The following SLC5A6 variants were observed in gnomAD, a reference collection of about 807,000 sequenced individuals.
SLC5A6 encodes the protein solute carrier family 5 member 6.
A neutral mutation model predicts 67.9 loss-of-function variants in SLC5A6; 31 were observed. The observed-to-expected ratio is 0.46, with a 90% CI of 0.34 to 0.62. SLC5A6 has a LOEUF of 0.62. SLC5A6 is among the 20% of genes least tolerant of loss of function. The pLI is 0.01. For synonymous variants in SLC5A6, 343 were observed against 331.0 expected, an observed-to-expected ratio of 1.04 and a Z score of -0.39; for missense variants, 673 against 812.8, an observed-to-expected ratio of 0.83 and a Z score of 2.09.
rs1006176115 is a variant in SLC5A6 at position 27,199,682 on chromosome 2, C to G, written c.*754G>C. On this transcript the variant is annotated 3_prime_UTR_variant, in exon 17 of 17. Transcript: ENST00000310574. Reference sequence around the variant, plus strand: ...CAGAGCACGGATGACAGAAATGACACCACGGCAGCCTGGCTCAGGAGTCAG... The same window carrying G: ...CAGAGCACGGATGACAGAAATGACAGCACGGCAGCCTGGCTCAGGAGTCAG... The G allele has an allele frequency of 6.6e-6, 1 of 152,452 alleles. No homozygotes were observed. The highest frequency in any genetic ancestry group is 1.5e-5 in the Non-Finnish European group (1 of 68,058). 9.4% of individuals were successfully genotyped at this position (152,452 alleles called of 1,614,324 possible).
In SLC5A6 at chr2:27,199,774, C is replaced by G. The variant is rs879391993; in HGVS notation, c.*662G>C. 6.5e-6 allele frequency: 1 copy of G among 152,758 alleles called. No homozygotes were observed. Among genetic ancestry groups the G allele is most frequent in the South Asian group, 2.1e-4 (1 of 4,826 alleles). 9.5% of individuals were successfully genotyped at this position (152,758 alleles called of 1,614,324 possible). A position where few individuals can be genotyped will look rare whatever the true frequency, so the allele number is the denominator to read the frequency against. On this transcript the variant is annotated 3_prime_UTR_variant, in exon 17 of 17. Transcript: ENST00000310574. ...TGGTTTCTTGGATCCACATTTGCCCCGTCTCTTAAGTGTCCATCTCAGAGG... is the reference window on the plus strand; with the variant it reads ...TGGTTTCTTGGATCCACATTTGCCCGGTCTCTTAAGTGTCCATCTCAGAGG...
chr2:27,210,593 G>C (rs898841370), intron 2 of SLC5A6, among the ~76,000 whole-genome samples: 1 of 150,988 alleles, frequency 6.6e-6, no homozygotes, highest in Non-Finnish European at 1.5e-5. Flanking sequence ...ACCGCGCCCA[G>C]CTAATTTTTT....
At position 27,202,004 on chromosome 2, in the gene SLC5A6, G is replaced by A; in HGVS notation, c.1346C>T (p.Pro449Leu). Residue 449 changes from proline to leucine, a missense_variant, in exon 13 of 17, where the codon CCA becomes CTA. By Grantham distance (98) the Pro-to-Leu change is moderately conservative. Coordinates refer to ENST00000310574, the MANE Select transcript of SLC5A6 (RefSeq NM_021095.4). The stretch of plus-strand genomic sequence containing the variant: ...ATCACTCACAGGAGGGTTAGCACAT[G>A]GAAAGAACATTCCAAGGCAGAAGAG... Reference protein sequence around the residue: ...LGLFCLGMFFPCANPPGAVVG... With the variant: ...LGLFCLGMFFLCANPPGAVVG... 6.2e-7 allele frequency: 1 copy of A among 1,614,022 alleles called. No homozygotes were observed.
intron 12 of SLC5A6, among the ~76,000 whole-genome samples, 156 bp downstream of exon 12, chr2:27,202,657 T>C (rs776928465): frequency 5.9e-5 from 9 of 152,054 alleles, no homozygotes; most frequent in Non-Finnish European, 1.0e-4. Context: ...TCTGGCTGCT[T>C]GCAAGTCTGT....
chr2:27,212,760 T>C, upstream of SLC5A6: 3 of 846,316 alleles, frequency 3.5e-6, no homozygotes, highest in South Asian at 4.3e-5. Flanking sequence ...GTAATCTCTC[T>C]ACGCACGAAC....
intron 2 of SLC5A6, among the ~76,000 whole-genome samples, chr2:27,209,920 C>G (rs933927257): frequency 6.6e-6 from 1 of 152,168 alleles, no homozygotes; most frequent in Non-Finnish European, 1.5e-5. Context: ...CCTAAACATG[C>G]CCTGGGCCTT....
In SLC5A6 at chr2:27,201,775, T is replaced by C. The variant is rs753852685; in HGVS notation, c.1435A>G (p.Met479Val). ...WIGIGSIVTSMGSSMPPSPSN... is the reference protein window; with the variant it reads ...WIGIGSIVTSVGSSMPPSPSN... ...GGAGAGGGTGGCATGCTGGAGCCCA[T>C]GCTGGTCACGATGCTCCCGATGCCA... The change falls in exon 14 of 17, where the codon ATG (methionine) becomes GTG (valine). Residue 479 changes from methionine to valine, a missense_variant. Coordinates refer to ENST00000310574, the MANE Select transcript of SLC5A6 (RefSeq NM_021095.4). 2 of 1,614,016 alleles carry C rather than the reference T, an allele frequency of 1.2e-6. No homozygotes were observed. Among genetic ancestry groups the C allele is most frequent in the East Asian group, 2.2e-5 (1 of 44,890 alleles).
At chr2:27,206,187 G>A (rs1674049373) in intron 5 of SLC5A6, 94 bp from the exon 6 acceptor site, 1 of 1,044,114 alleles carries the variant, frequency 9.6e-7, no homozygotes, top group Non-Finnish European at 1.5e-6. Flanking sequence ...CAGAGATAAA[G>A]CATTGGTCAT....
In SLC5A6 at chr2:27,207,011, G is replaced by A. The variant is rs1674125193; in HGVS notation, c.394-69C>T. On this transcript the variant is annotated intron_variant, in intron 3 of 16. Transcript: ENST00000310574. This position sits in a 1 kb window ranked among gnomAD's most constrained non-coding sequence, Gnocchi z 5.5. ...ACAACTCACAGACAAATTCCCTCAAGATGCTCAGGAACATGAGGGAATATC... is the reference window on the plus strand; with the variant it reads ...ACAACTCACAGACAAATTCCCTCAAAATGCTCAGGAACATGAGGGAATATC... The A allele has an allele frequency of 1.5e-6, 2 of 1,351,934 alleles. No homozygotes were observed. Among genetic ancestry groups the A allele is most frequent in the Non-Finnish European group, 2.1e-6 (2 of 941,346 alleles). The allele number at this position is 1,351,934 out of a possible 1,614,324, so 83.7% of individuals were successfully genotyped here. A position where few individuals can be genotyped will look rare whatever the true frequency, so the allele number is the denominator to read the frequency against.
chr2:27,208,921 T>C (rs538400228), intron 2 of SLC5A6, among the ~76,000 whole-genome samples: 168 of 151,866 alleles, frequency 1.1e-3, no homozygotes, highest in African/African-American at 4.0e-3. Context: ...CGGGAGGGAG[T>C]TGGAAAGAAG....
At chr2:27,209,239 T>C (rs991744747) in intron 2 of SLC5A6, among the ~76,000 whole-genome samples, 2 of 152,206 alleles carry the variant, frequency 1.3e-5, no homozygotes, top group Admixed American at 6.5e-5. Context: ...AAGCGTATCA[T>C]ATTGTCTTCA....
chr2:27,206,450 C>T (rs369737868), intron 5 of SLC5A6, 33 bp downstream of exon 5: 10 of 1,607,838 alleles, frequency 6.2e-6, no homozygotes, highest in Admixed American at 1.7e-5. Context: ...TAACCTACCA[C>T]GGCTGAAAGC....
chr2:27,211,964 G>GACCCC (rs1674551856), intron 1 of SLC5A6, 56 bp downstream of exon 1: 49 of 422,210 alleles, frequency 1.2e-4, no homozygotes, highest in Non-Finnish European at 1.8e-4. Flanking sequence ...AGCCCGCGGG[G>GACCCC]GCCCCGCCCC....
intron 14 of SLC5A6, 74 bp downstream of exon 14, chr2:27,201,592 C>T (rs1673638553): frequency 6.7e-7 from 1 of 1,490,580 alleles, no homozygotes; most frequent in African/African-American, 1.4e-5. Flanking sequence ...GTGGCCCATC[C>T]CTTAGCAAGA....
In SLC5A6 at chr2:27,207,230, C is replaced by T. The variant is rs1329545057; in HGVS notation, c.393+28G>A. 1.9e-6 allele frequency: 3 copies of T among 1,607,698 alleles called. No individual in the cohort carries two copies. The highest frequency in any genetic ancestry group is 2.6e-6 in the Non-Finnish European group (3 of 1,175,718). ...CCTCTCCACCCCAACCCGTGTCCCA[C>T]GCACTTCTCCCTTCTGTCCCTGCTC... On this transcript the variant is annotated intron_variant, in intron 3 of 16. Transcript: ENST00000310574. This position sits in a 1 kb window ranked among gnomAD's most constrained non-coding sequence, Gnocchi z 5.5.
At chr2:27,210,438 CTT>C (rs1192063285) in intron 2 of SLC5A6, among the ~76,000 whole-genome samples, 1 of 148,462 alleles carries the variant, frequency 6.7e-6, no homozygotes, top group Non-Finnish European at 1.5e-5. Flanking sequence ...ACCCCCCCCC[CTT>C]TTTTTTTGGA....
rs1376220712 is a variant in SLC5A6 at position 27,212,222 on chromosome 2, C to T, written c.-410G>A. Reference sequence around the variant, plus strand: ...AGGGCGCATGAAGACCAGCGCAGAGCTCCACGAGCAGGAAAAGCCCCCAAG... The same window carrying T: ...AGGGCGCATGAAGACCAGCGCAGAGTTCCACGAGCAGGAAAAGCCCCCAAG... On this transcript the variant is annotated 5_prime_UTR_variant, in exon 1 of 17. Transcript: ENST00000310574. The T allele has an allele frequency of 3.2e-6, 5 of 1,559,638 alleles. No homozygotes were observed. The highest frequency in any genetic ancestry group is 4.3e-6 in the Non-Finnish European group (5 of 1,152,310).
Position 27,201,655 on chromosome 2 carries a change from C to T in SLC5A6, c.1544+11G>A, listed in dbSNP as rs1164776383. ...TTTGAGAAAACAAGAAGATAGCAAGCCCTGCCTTACTTGGAGAAGGTAGTC... is the reference window on the plus strand; with the variant it reads ...TTTGAGAAAACAAGAAGATAGCAAGTCCTGCCTTACTTGGAGAAGGTAGTC... On this transcript the variant is annotated intron_variant, in intron 14 of 16. Transcript: ENST00000310574. The T allele has an allele frequency of 6.2e-7, 1 of 1,612,244 alleles. No homozygotes were observed. The highest frequency in any genetic ancestry group is 8.5e-7 in the Non-Finnish European group (1 of 1,178,592).
chr2:27,205,015 G>A (rs766528485), intron 7 of SLC5A6, 84 bp from the exon 8 acceptor site: 384 of 1,532,544 alleles, frequency 2.5e-4, no homozygotes, highest in Non-Finnish European at 3.2e-4. Context: ...TCAGTGGACA[G>A]GAAAGGAGAG....
Sources: gnomAD v4.1 joint callset for allele counts (sites outside exome capture counted in the v4.1 genomes callset) on GRCh38, gnomAD v4.1.1 for gene constraint, Gnocchi (gnomAD v3.1) non-coding constraint, MANE v1.5 for transcripts, NCBI Gene and HGNC (gene_info 2026-07-23, HGNC 2026-07-21) for gene names.